The following TFDP2 variants were observed in gnomAD, a reference collection of about 807,000 sequenced individuals.
TFDP2 encodes transcription factor Dp-2.
TFDP2 carries 17 observed loss-of-function variants against 59.3 expected under a neutral mutation model. The observed-to-expected ratio is 0.29, with a 90% CI of 0.20 to 0.43. The LOEUF (loss-of-function observed/expected upper bound fraction) is 0.43, where lower values mean the gene tolerates loss of function less well. Ranked by LOEUF, TFDP2 falls within the 20% of genes least tolerant of loss-of-function variation. The pLI is 1.00. For synonymous variants in TFDP2, 180 were observed against 194.7 expected (o/e 0.92, Z 0.63); for missense variants, 391 against 528.8 (o/e 0.74, Z 2.56).
rs546105492 is a variant in TFDP2, at chr3:141,987,634, G to C, written c.356+5904C>G. ...TGCGTGCATGTGTGTGTGTTTTAAA[G>C]ACATTCTTCTCGGCCGGGTGCGGTG... On this transcript the variant is annotated intron_variant, in intron 6 of 12. Transcript: ENST00000489671. Among the ~76,000 whole-genome samples, 12 of 150,544 alleles carry C rather than the reference G, an allele frequency of 8.0e-5. No individual in the cohort carries two copies. The South Asian group carries it at 1.1e-3, about 13-fold the overall frequency.
rs1162932187 is a variant in TFDP2 at position 142,042,737 on chromosome 3, CT to C, written c.83-37194del. 7.5e-3 allele frequency among the ~76,000 whole-genome samples: 566 copies of C among 75,138 alleles called. 1 individual carries two copies. Among genetic ancestry groups the C allele is most frequent in the African/African-American group, 0.022 (365 of 16,462 alleles). The allele number at this position is 75,138 out of a possible 152,430, so 49.3% of individuals were successfully genotyped here. A position where few individuals can be genotyped will look rare whatever the true frequency, so the allele number is the denominator to read the frequency against. On this transcript the variant is annotated intron_variant, in intron 3 of 12. Transcript: ENST00000489671. ...CTCTTTTCTACCTCTTGCCTGGACG[CT>C]TTTTTTTTTTTTTTTTTTTGAGACG...
chr3:142,077,682 G>A (rs947600189), intron 3 of TFDP2, among the ~76,000 whole-genome samples: 1 of 152,094 alleles, frequency 6.6e-6, no homozygotes, highest in African/African-American at 2.4e-5. Context: ...GCAGTAGACA[G>A]GCAATACACT....
At chr3:142,089,032 T>G (rs1233715936) in intron 3 of TFDP2, among the ~76,000 whole-genome samples, 8 of 152,086 alleles carry the variant, frequency 5.3e-5, no homozygotes, top group African/African-American at 1.9e-4. Context: ...TTTCACCATG[T>G]TGGTAAGGCT....
chr3:142,018,856 T>C (rs997375704), intron 3 of TFDP2, among the ~76,000 whole-genome samples: 1 of 152,016 alleles, frequency 6.6e-6, no homozygotes, highest in African/African-American at 2.4e-5. Context: ...GGCTGAACAC[T>C]GAGCATCTTT....
intron 10 of TFDP2, 26 bp from the exon 11 acceptor site, chr3:141,959,866 T>A (rs1049263840): frequency 3.1e-6 from 5 of 1,609,544 alleles, no homozygotes; most frequent in South Asian, 2.2e-5. Context: ...AAGTAAAGGG[T>A]TTTTGGTGGT....
At chr3:142,010,439 T>C (rs1382295595) in intron 3 of TFDP2, among the ~76,000 whole-genome samples, 1 of 151,734 alleles carries the variant, frequency 6.6e-6, no homozygotes, top group Non-Finnish European at 1.5e-5. Context: ...TGAAATTCCG[T>C]CTCTACTAAA....
intron 1 of TFDP2, among the ~76,000 whole-genome samples, chr3:142,141,876 G>T (rs914793686): frequency 2.0e-5 from 3 of 151,698 alleles, no homozygotes; most frequent in Non-Finnish European, 4.4e-5. Flanking sequence ...GGACATATAG[G>T]TCTTAAATAA....
chr3:142,106,297 G>A (rs2061471035), intron 1 of TFDP2, among the ~76,000 whole-genome samples: 1 of 152,050 alleles, frequency 6.6e-6, no homozygotes. Context: ...AAGAAATAAA[G>A]TTACATTAAG....
At chr3:142,088,489 C>A (rs1381393114) in intron 3 of TFDP2, among the ~76,000 whole-genome samples, 1 of 151,986 alleles carries the variant, frequency 6.6e-6, no homozygotes, top group African/African-American at 2.4e-5. Context: ...CGCCACCACA[C>A]CTGGCTAATT....
intron 2 of TFDP2, among the ~76,000 whole-genome samples, chr3:142,095,687 G>C (rs988413889): frequency 2.6e-5 from 4 of 152,120 alleles, no homozygotes; most frequent in Admixed American, 2.0e-4. Context: ...CTCTTCAGTT[G>C]CTCACAAATA....
At chr3:142,032,725 T>C (rs1157605271) in intron 3 of TFDP2, among the ~76,000 whole-genome samples, 1 of 152,214 alleles carries the variant, frequency 6.6e-6, no homozygotes, top group Non-Finnish European at 1.5e-5. Context: ...ATTTTCTTCT[T>C]GCCTCATCCT....
chr3:142,034,871 C>A (rs1946617522), intron 3 of TFDP2, among the ~76,000 whole-genome samples: 1 of 152,146 alleles, frequency 6.6e-6, no homozygotes, highest in South Asian at 2.1e-4. Flanking sequence ...CCACACCCAG[C>A]TAATTTTTGT....
Position 142,075,906 on chromosome 3 carries a change from C to CAAAAAAAAA in TFDP2, c.82+17146_82+17154dup, listed in dbSNP as rs60581045. On this transcript the variant is annotated intron_variant, in intron 3 of 12. Transcript: ENST00000489671. ...TGGGCAACAGAGCCAGAACCTGCCT[C>CAAAAAAAAA]AAAAAAAAAAAAAAAAAAGGCTTTC... is the stretch of plus-strand genomic sequence containing the variant. Among the ~76,000 whole-genome samples the CAAAAAAAAA allele has an allele frequency of 4.2e-4, 34 of 80,700 alleles. 1 individual carries two copies. The highest frequency in any genetic ancestry group is 5.2e-4 in the Non-Finnish European group (22 of 42,536). The allele number at this position is 80,700 out of a possible 152,430, so 52.9% of individuals were successfully genotyped here.
intron 9 of TFDP2, among the ~76,000 whole-genome samples, chr3:141,969,203 TAAC>T (rs1350131125): frequency 2.4e-5 from 2 of 83,430 alleles, no homozygotes; most frequent in South Asian, 5.9e-4. Flanking sequence ...TATATATATA[TAAC>T]ATATATATAT....
intron 6 of TFDP2, among the ~76,000 whole-genome samples, chr3:141,981,208 T>C (rs985326343): frequency 1.3e-5 from 2 of 152,240 alleles, no homozygotes; most frequent in African/African-American, 4.8e-5. Context: ...CAAATACTTA[T>C]CACTGTGTTA....
At chr3:142,123,470 A>G (rs1471502111) in intron 1 of TFDP2, among the ~76,000 whole-genome samples, 3 of 151,970 alleles carry the variant, frequency 2.0e-5, no homozygotes, top group African/African-American at 4.8e-5. Context: ...GTTTTGCCAC[A>G]TTGACCAGGC....
intron 3 of TFDP2, among the ~76,000 whole-genome samples, chr3:142,013,918 C>A (rs1010059631): frequency 2.6e-5 from 4 of 151,936 alleles, no homozygotes; most frequent in African/African-American, 9.7e-5. Flanking sequence ...ATGGCACAGA[C>A]TTTCTGAAAA....
At chr3:141,971,044 C>T (rs1163038435) in intron 8 of TFDP2, among the ~76,000 whole-genome samples, 3 of 149,414 alleles carry the variant, frequency 2.0e-5, no homozygotes, top group African/African-American at 7.4e-5. Flanking sequence ...GACAACAAAG[C>T]AAGACCCTGT....
chr3:142,045,262 T>C (rs1947275369), intron 3 of TFDP2, among the ~76,000 whole-genome samples: 3 of 149,926 alleles, frequency 2.0e-5, no homozygotes, highest in Admixed American at 2.0e-4. Flanking sequence ...CGGGTTCAAG[T>C]GATTCTCCTG....
Sources: allele counts gnomAD v4.1 joint callset (sites outside exome capture counted in the v4.1 genomes callset), GRCh38; gene constraint gnomAD v4.1.1; transcripts MANE v1.5; gene names NCBI Gene and HGNC (gene_info 2026-07-23, HGNC 2026-07-21).